The following TNS3 variants were observed in gnomAD, a reference collection of about 807,000 sequenced individuals.
TNS3 encodes the protein tensin-3.
TNS3 carries 45 observed loss-of-function variants against 140.9 expected under a neutral mutation model. That is an observed-to-expected ratio of 0.32 (90% CI 0.25 to 0.41). The LOEUF is 0.41. Ranked by LOEUF, TNS3 falls within the 10% of genes least tolerant of loss-of-function variation. The pLI, the probability that TNS3 is intolerant of heterozygous loss-of-function variation, is 1.00. For missense variants in TNS3, 1,716 were observed against 1,906.7 expected, an observed-to-expected ratio of 0.90 and a Z score of 1.86; for synonymous variants, 815 against 788.4, an observed-to-expected ratio of 1.03 and a Z score of -0.56.
At chr7:47,580,472 G>C (rs908660239) in intron 1 of TNS3, among the ~76,000 whole-genome samples, 33 of 152,108 alleles carry the variant, frequency 2.2e-4, no homozygotes, top group Non-Finnish European at 3.7e-4. Context: ...AGTCGGGCTT[G>C]CTGCCAGTTC....
rs139980504 is a variant in TNS3, at chr7:47,456,749, C to T, written c.-75-14694G>A. Among the ~76,000 whole-genome samples, 797 of 152,166 alleles carry T rather than the reference C, an allele frequency of 5.2e-3. 2 individuals are homozygous for T. The highest frequency in any genetic ancestry group is 7.7e-3 in the Non-Finnish European group (521 of 67,996). Reference sequence around the variant, plus strand: ...GCAAGCACACACACAACACAGCCCACGAGACATTCGCTGCCCCACACCTGC... The same window carrying T: ...GCAAGCACACACACAACACAGCCCATGAGACATTCGCTGCCCCACACCTGC... On this transcript the variant is annotated intron_variant, in intron 4 of 30. Coordinates refer to ENST00000311160, the MANE Select transcript of TNS3 (RefSeq NM_022748.12).
intron 6 of TNS3, among the ~76,000 whole-genome samples, chr7:47,438,499 G>A (rs1181913131): frequency 6.6e-6 from 1 of 152,158 alleles, no homozygotes; most frequent in Admixed American, 6.5e-5. Flanking sequence ...AGGAGGAGAG[G>A]GCCCCTGGTG....
chr7:47,319,799 C>T (rs1787626995), intron 20 of TNS3, among the ~76,000 whole-genome samples: 1 of 152,214 alleles, frequency 6.6e-6, no homozygotes, highest in South Asian at 2.1e-4. Context: ...GTGCCAGGGA[C>T]CACAGGCAGC....
chr7:47,424,192 G>A lies in TNS3; in HGVS notation c.390-8C>T. ...TCAAGGGCCTGGTCGGCGCTGAAGGGGAGAGAGAGAGAAAGAGAGTTAACT... is the reference window on the plus strand; with the variant it reads ...TCAAGGGCCTGGTCGGCGCTGAAGGAGAGAGAGAGAGAAAGAGAGTTAACT... On this transcript the variant is annotated splice_polypyrimidine_tract_variant and splice_region_variant and intron_variant, in intron 9 of 30. Transcript: ENST00000311160. The A allele has an allele frequency of 6.2e-7, 1 of 1,613,276 alleles. No individual in the cohort carries two copies. Among genetic ancestry groups the A allele is most frequent in the Non-Finnish European group, 8.5e-7 (1 of 1,179,568 alleles).
intron 2 of TNS3, among the ~76,000 whole-genome samples, chr7:47,507,280 G>A (rs915340253): frequency 4.6e-5 from 7 of 152,070 alleles, no homozygotes; most frequent in African/African-American, 7.2e-5. Context: ...ACGTCCAGCC[G>A]AACTGGATCC....
intron 16 of TNS3, among the ~76,000 whole-genome samples, chr7:47,373,254 C>T (rs540091372): frequency 6.6e-6 from 1 of 152,296 alleles, no homozygotes; most frequent in South Asian, 2.1e-4. Flanking sequence ...TGTTCCTGGT[C>T]ATGACATTCA....
intron 16 of TNS3, among the ~76,000 whole-genome samples, chr7:47,389,080 A>AGAGGAAGAG (rs1347493173): frequency 4.6e-5 from 3 of 65,844 alleles, no homozygotes; most frequent in Admixed American, 1.5e-4. Flanking sequence ...AAGAAGAAGA[A>AGAGGAAGAG]GAAGAGGAAG....
At chr7:47,558,017 G>C (rs940628296) in intron 1 of TNS3, among the ~76,000 whole-genome samples, 1 of 152,144 alleles carries the variant, frequency 6.6e-6, no homozygotes, top group Admixed American at 6.5e-5. Flanking sequence ...GACAAATGAC[G>C]AGAACTTCTG....
chr7:47,505,222 G>A (rs189384489), intron 3 of TNS3, among the ~76,000 whole-genome samples: 29 of 152,244 alleles, frequency 1.9e-4, no homozygotes, highest in African/African-American at 5.3e-4. Flanking sequence ...TCCTAGGGGA[G>A]GGGGAAGCTC....
chr7:47,379,939 G>GA (rs1232343432), intron 16 of TNS3, among the ~76,000 whole-genome samples: 5 of 152,094 alleles, frequency 3.3e-5, no homozygotes, highest in African/African-American at 4.8e-5. Flanking sequence ...ATATAGAGCA[G>GA]AAAAAAAATT....
intron 6 of TNS3, among the ~76,000 whole-genome samples, chr7:47,437,654 C>T (rs1795249409): frequency 1.3e-5 from 2 of 149,864 alleles, no homozygotes; most frequent in Non-Finnish European, 3.0e-5. Flanking sequence ...AGTCTATATT[C>T]TACTTCTTCA....
chr7:47,542,650 G>A (rs1035720902), intron 1 of TNS3, among the ~76,000 whole-genome samples: 12 of 152,140 alleles, frequency 7.9e-5, no homozygotes, highest in African/African-American at 2.9e-4. Context: ...AGCACTTTAC[G>A]GCCGAGCACG....
At chr7:47,560,440 T>C (rs1027456216) in intron 1 of TNS3, among the ~76,000 whole-genome samples, 3 of 152,124 alleles carry the variant, frequency 2.0e-5, no homozygotes, top group Admixed American at 6.5e-5. Context: ...CACAAACCAA[T>C]TAAGATATCA....
intron 3 of TNS3, among the ~76,000 whole-genome samples, chr7:47,484,563 T>C (rs1384612527): frequency 6.6e-6 from 1 of 152,176 alleles, no homozygotes; most frequent in African/African-American, 2.4e-5. Context: ...TGTGCGACGG[T>C]GCTATCAGCT....
chr7:47,428,840 G>A (rs1794788660), intron 8 of TNS3, among the ~76,000 whole-genome samples: 1 of 152,220 alleles, frequency 6.6e-6, no homozygotes, highest in East Asian at 1.9e-4. Context: ...GCCGGCACCT[G>A]AGCTCCACAT....
At position 47,368,699 on chromosome 7, in the gene TNS3, A is replaced by C; in HGVS notation, c.1947T>G (p.Ser649Arg). The change falls in exon 17 of 31, where the codon AGT becomes AGG. Residue 649 changes from serine (S) to arginine (R), a missense_variant. Coordinates refer to ENST00000311160, the MANE Select transcript of TNS3 (RefSeq NM_022748.12). Reference protein sequence around the residue: ...SRVAVQRGVGSGPHPPDTQQP... With the variant: ...SRVAVQRGVGRGPHPPDTQQP... ...GCTGTGTGTCAGGGGGATGTGGCCC[A>C]CTGCCTACACCCCTCTGGACAGCCA... is the stretch of plus-strand genomic sequence containing the variant. 1 of 1,586,100 alleles carries C rather than the reference A, an allele frequency of 6.3e-7. No individual in the cohort carries two copies. The highest frequency in any genetic ancestry group is 8.6e-7 in the Non-Finnish European group (1 of 1,166,758).
chr7:47,409,907 T>C (rs1443582053), intron 13 of TNS3, among the ~76,000 whole-genome samples: 1 of 152,162 alleles, frequency 6.6e-6, no homozygotes, highest in Non-Finnish European at 1.5e-5. Flanking sequence ...TCCGCCCACC[T>C]CAGCCTCCCA....
At chr7:47,280,926 C>T (rs1187928615) in intron 28 of TNS3, among the ~76,000 whole-genome samples, 2 of 151,006 alleles carry the variant, frequency 1.3e-5, no homozygotes, top group African/African-American at 4.9e-5. Flanking sequence ...AAAAAAAAAG[C>T]CCTAACAAAC....
At chr7:47,551,261 C>T (rs1016025407) in intron 1 of TNS3, among the ~76,000 whole-genome samples, 5 of 152,224 alleles carry the variant, frequency 3.3e-5, no homozygotes, top group Non-Finnish European at 4.4e-5. Flanking sequence ...CACTTCCTGC[C>T]GCTGGACTCG....
Sources: gnomAD v4.1 joint callset for allele counts (sites outside exome capture counted in the v4.1 genomes callset) on GRCh38, gnomAD v4.1.1 for gene constraint, MANE v1.5 for transcripts, NCBI Gene and HGNC (gene_info 2026-07-23, HGNC 2026-07-21) for gene names.